Variants in ZNF704 observed in about 807,000 individuals in gnomAD.
ZNF704 encodes zinc finger protein 704.
A neutral mutation model predicts 44.7 loss-of-function variants in ZNF704; 10 were observed. The ratio of observed to expected loss-of-function variants is 0.22; its 90% CI spans 0.14 to 0.38. ZNF704 has a LOEUF of 0.38. Among genes scored for constraint, ZNF704 ranks in the 10% least tolerant of loss-of-function variants. The pLI, the probability that ZNF704 is intolerant of heterozygous loss-of-function variation, is 1.00. For synonymous variants in ZNF704, 211 were observed against 207.6 expected, an observed-to-expected ratio of 1.02 and a Z score of -0.14; for missense variants, 390 against 545.5, an observed-to-expected ratio of 0.71 and a Z score of 2.84.
At chr8:80,761,624 G>C (rs1807132782) in intron 2 of ZNF704, among the ~76,000 whole-genome samples, 1 of 152,104 alleles carries the variant, frequency 6.6e-6, no homozygotes, top group African/African-American at 2.4e-5. Flanking sequence ...TTTTGAAAAG[G>C]AGATTTGAGA....
intron 1 of ZNF704, among the ~76,000 whole-genome samples, chr8:80,849,616 G>A (rs1808824313): frequency 6.6e-6 from 1 of 152,180 alleles, no homozygotes. Context: ...ACCAAACACT[G>A]TAAAAGGATT....
At chr8:80,704,690 T>C (rs1233251879) in intron 2 of ZNF704, among the ~76,000 whole-genome samples, 1 of 151,786 alleles carries the variant, frequency 6.6e-6, no homozygotes, top group East Asian at 1.9e-4. Flanking sequence ...AAGGACAGAG[T>C]TTGGAGAGCT....
rs1229154269 is a variant in ZNF704, at chr8:80,638,587, T to A, written c.*2779A>T. The A allele has an allele frequency of 6.6e-6, 1 of 151,964 alleles. No homozygotes were observed. The highest frequency in any genetic ancestry group is 1.5e-5 in the Non-Finnish European group (1 of 67,956). 9.4% of individuals were successfully genotyped at this position (151,964 alleles called of 1,614,324 possible). A position where few individuals can be genotyped will look rare whatever the true frequency, so the allele number is the denominator to read the frequency against. On this transcript the variant is annotated 3_prime_UTR_variant, in exon 9 of 9. Transcript: ENST00000327835. ...CAAAATATAACAAAATAATGCTACG[T>A]TTAAAAAAAAAAAACCCTAACTTGC...
chr8:80,760,853 C>G (rs1807118704), intron 2 of ZNF704, among the ~76,000 whole-genome samples: 1 of 151,962 alleles, frequency 6.6e-6, no homozygotes, highest in Non-Finnish European at 1.5e-5. Context: ...GCAGGCATGT[C>G]ACATGGCCAC....
chr8:80,877,170 G>A (rs1018048334), upstream of ZNF704, among the ~76,000 whole-genome samples: 14 of 137,350 alleles, frequency 1.0e-4, no homozygotes, highest in African/African-American at 3.9e-4. Flanking sequence ...TGCTGGAAAG[G>A]CTGCCTCTGA....
intron 2 of ZNF704, among the ~76,000 whole-genome samples, chr8:80,716,260 T>C (rs1321832793): frequency 6.6e-6 from 1 of 152,196 alleles, no homozygotes; most frequent in Non-Finnish European, 1.5e-5. Flanking sequence ...ATTGGAATTA[T>C]GGGAGTTAAC....
rs56927473 is a variant in ZNF704 at position 80,721,963 on chromosome 8, G to A, written c.222-28856C>T. The stretch of plus-strand genomic sequence containing the variant: ...CAAAGAAAGACTGCCTTGGCCAGGC[G>A]CTGTGGCTCACACCTATAATCCCAG... On this transcript the variant is annotated intron_variant, in intron 2 of 8. Coordinates refer to ENST00000327835, the MANE Select transcript of ZNF704 (RefSeq NM_001033723.3). Among the ~76,000 whole-genome samples, 462 of 152,288 alleles carry A rather than the reference G, an allele frequency of 3.0e-3. 6 individuals carry two copies. The highest frequency in any genetic ancestry group is 0.011 in the African/African-American group (447 of 41,584).
intron 2 of ZNF704, among the ~76,000 whole-genome samples, chr8:80,800,892 T>C (rs1807888084): frequency 1.3e-5 from 2 of 151,948 alleles, no homozygotes; most frequent in East Asian, 1.9e-4. Context: ...CCAAGACCCA[T>C]CAGTATGCTG....
At chr8:80,723,514 TAAAAC>T (rs1434802690) in intron 2 of ZNF704, among the ~76,000 whole-genome samples, 14 of 152,162 alleles carry the variant, frequency 9.2e-5, no homozygotes, top group Admixed American at 2.6e-4. Context: ...GAAAATGAGT[TAAAAC>T]AAAAAGAAAC....
At chr8:80,701,744 A>G (rs1344466777) in intron 2 of ZNF704, among the ~76,000 whole-genome samples, 1 of 152,210 alleles carries the variant, frequency 6.6e-6, no homozygotes, top group African/African-American at 2.4e-5. Flanking sequence ...ATGTAGAGAG[A>G]TCAAGCCAGA....
At chr8:80,693,541 G>GTTCC (rs1343961049) in intron 2 of ZNF704, among the ~76,000 whole-genome samples, 2 of 152,208 alleles carry the variant, frequency 1.3e-5, no homozygotes, top group Admixed American at 6.5e-5. Flanking sequence ...ACAGGCTAAC[G>GTTCC]TGACAGTGCC....
chr8:80,672,944 A>C (rs1329162239), intron 4 of ZNF704, among the ~76,000 whole-genome samples: 1 of 152,212 alleles, frequency 6.6e-6, no homozygotes, highest in Non-Finnish European at 1.5e-5. Context: ...AAAATTTTGT[A>C]ATACGGCAAT....
chr8:80,859,335 G>A (rs1485423581), intron 1 of ZNF704, among the ~76,000 whole-genome samples: 1 of 152,170 alleles, frequency 6.6e-6, no homozygotes, highest in African/African-American at 2.4e-5. Flanking sequence ...ATCTACCAGG[G>A]GTAGGAAAGG....
intron 2 of ZNF704, among the ~76,000 whole-genome samples, chr8:80,776,284 C>T (rs2129682943): frequency 6.6e-6 from 1 of 152,276 alleles, no homozygotes; most frequent in Non-Finnish European, 1.5e-5. Flanking sequence ...ATAAGAACTG[C>T]TAAATTCTTT....
intron 1 of ZNF704, among the ~76,000 whole-genome samples, chr8:80,842,416 A>G (rs894603857): frequency 7.2e-5 from 11 of 152,316 alleles, no homozygotes; most frequent in Admixed American, 5.9e-4. Context: ...TTAATATCCA[A>G]TGTGATGGTT....
At chr8:80,782,951 A>T (rs998837588) in intron 2 of ZNF704, among the ~76,000 whole-genome samples, 4 of 152,130 alleles carry the variant, frequency 2.6e-5, no homozygotes, top group African/African-American at 9.7e-5. Flanking sequence ...AAAAATCCAC[A>T]TATTAGTGGA....
intron 1 of ZNF704, among the ~76,000 whole-genome samples, chr8:80,822,876 C>T (rs1808302393): frequency 6.6e-6 from 1 of 152,188 alleles, no homozygotes; most frequent in African/African-American, 2.4e-5. Context: ...TATCCTTTGC[C>T]TACTTTTTGA....
In ZNF704 at chr8:80,767,854, G is replaced by A. The variant is rs549385539; in HGVS notation, c.221+53520C>T. Among the ~76,000 whole-genome samples, 5 of 152,130 alleles carry A rather than the reference G, an allele frequency of 3.3e-5. No homozygotes were observed. In the South Asian group the frequency reaches 8.3e-4, roughly 25 times the overall value. ...AACTAAGGTCATCAACCCACTTTTCGCAGAGGTTCCTTTGCTTGCAGTACA... is the reference window on the plus strand; with the variant it reads ...AACTAAGGTCATCAACCCACTTTTCACAGAGGTTCCTTTGCTTGCAGTACA... On this transcript the variant is annotated intron_variant, in intron 2 of 8. Transcript: ENST00000327835.
chr8:80,800,602 A>G (rs749411467), intron 2 of ZNF704, among the ~76,000 whole-genome samples: 1 of 152,162 alleles, frequency 6.6e-6, no homozygotes, highest in Non-Finnish European at 1.5e-5. Context: ...TTTTCAGACA[A>G]GCAAATGCTG....
Sources: gnomAD v4.1 joint callset for allele counts (sites outside exome capture counted in the v4.1 genomes callset) on GRCh38, gnomAD v4.1.1 for gene constraint, MANE v1.5 for transcripts, NCBI Gene and HGNC (gene_info 2026-07-23, HGNC 2026-07-21) for gene names.